The following AMZ1 variants were observed in gnomAD, a reference collection of about 807,000 sequenced individuals.
The protein encoded by AMZ1 is archaemetzincin-1.
AMZ1 carries 39 observed loss-of-function variants against 29.9 expected under a neutral mutation model. That is an observed-to-expected ratio of 1.30 (90% CI 1.01 to 1.70). The LOEUF (loss-of-function observed/expected upper bound fraction) is 1.70, where lower values mean the gene tolerates loss of function less well. Ranked by LOEUF, AMZ1 falls within the 40% of genes most tolerant of loss-of-function variation. The pLI, the probability that AMZ1 is intolerant of heterozygous loss-of-function variation, is 0.00. For missense variants in AMZ1, 1,041 were observed against 680.6 expected, an observed-to-expected ratio of 1.53 and a Z score of -5.89; for synonymous variants, 458 against 304.0, an observed-to-expected ratio of 1.51 and a Z score of -5.27.
At chr7:2,722,203 A>C (rs1789453009), downstream of AMZ1, among the ~76,000 whole-genome samples, 1 of 152,108 alleles carries the variant, frequency 6.6e-6, no homozygotes, top group South Asian at 2.1e-4. Flanking sequence ...TACCACACTG[A>C]ATTTCCTGGC....
At chr7:2,709,014 G>T (rs116695170) in intron 4 of AMZ1, 61 bp from the exon 5 acceptor site, 10 of 1,504,674 alleles carry the variant, frequency 6.6e-6, no homozygotes, top group African/African-American at 2.8e-5. Flanking sequence ...TGGGTTTGAC[G>T]GTGGGCCCCC....
rs550991815 is a variant in AMZ1, at chr7:2,727,226, C to T, written n.550+17410C>T. On this transcript the variant is annotated intron_variant and non_coding_transcript_variant, in intron 4 of 4. Coordinates refer to the AMZ1 transcript ENST00000489665. ...CTTTCCGAGTAGCTAGGATTACAGG[C>T]GCCCACCACCACACCCAGCTAATTT... Among the ~76,000 whole-genome samples, 10 of 152,168 alleles carry T rather than the reference C, an allele frequency of 6.6e-5. No individual in the cohort carries two copies. The South Asian group carries it at 1.2e-3, about 19-fold the overall frequency.
intron 4 of AMZ1, among the ~76,000 whole-genome samples, chr7:2,747,906 A>G (rs1318551757): frequency 2.0e-5 from 3 of 152,044 alleles, no homozygotes; most frequent in Non-Finnish European, 4.4e-5. Context: ...ACTCCCATTC[A>G]CAATTGCTTC....
chr7:2,696,012 G>A (rs1404057871), intron 1 of AMZ1, among the ~76,000 whole-genome samples: 43 of 140,002 alleles, frequency 3.1e-4, no homozygotes, highest in African/African-American at 9.6e-4. Flanking sequence ...GTCTTGGGGG[G>A]GAAAAAAAAA....
intron 1 of AMZ1, among the ~76,000 whole-genome samples, chr7:2,681,018 C>A (rs1223325961): frequency 6.6e-6 from 1 of 152,252 alleles, no homozygotes; most frequent in African/African-American, 2.4e-5. Flanking sequence ...AGAAACCTTC[C>A]AGGACGCTGA....
intron 4 of AMZ1, among the ~76,000 whole-genome samples, chr7:2,751,016 G>A (rs1038278013): frequency 2.0e-5 from 3 of 152,206 alleles, no homozygotes; most frequent in African/African-American, 7.2e-5. Flanking sequence ...TGAACTTCAA[G>A]ACAATGTTAA....
rs1789219458 is a variant in AMZ1, at chr7:2,717,847, C to G, written c.*4969C>G. ...GAGGCAAATGAAAACAGGCTGATGT[C>G]AGGGGTTTATTTTAAAAAGCAATTT... On this transcript the variant is annotated 3_prime_UTR_variant, in exon 7 of 7. Transcript: ENST00000683327. 6.6e-6 allele frequency among the ~76,000 whole-genome samples: 1 copy of G among 152,166 alleles called. No homozygotes were observed. Among genetic ancestry groups the G allele is most frequent in the Non-Finnish European group, 1.5e-5 (1 of 68,036 alleles).
intron 4 of AMZ1, among the ~76,000 whole-genome samples, chr7:2,735,301 CA>C (rs2115299569): frequency 6.6e-6 from 1 of 152,330 alleles, no homozygotes; most frequent in East Asian, 1.9e-4. Flanking sequence ...CAGCCCAAGC[CA>C]CCCTTGCCCG....
intron 4 of AMZ1, among the ~76,000 whole-genome samples, chr7:2,757,554 G>C (rs1270817024): frequency 6.6e-6 from 1 of 152,118 alleles, no homozygotes; most frequent in East Asian, 1.9e-4. Context: ...ATGGGAACGC[G>C]GCCAGGTGCA....
downstream of AMZ1, among the ~76,000 whole-genome samples, chr7:2,720,034 C>G (rs550644774): frequency 6.6e-6 from 1 of 152,314 alleles, no homozygotes; most frequent in East Asian, 1.9e-4. Context: ...TTCTGGAAGG[C>G]TAAATGAAAA....
At chr7:2,736,997 A>G (rs1224511276) in intron 4 of AMZ1, among the ~76,000 whole-genome samples, 1 of 152,248 alleles carries the variant, frequency 6.6e-6, no homozygotes, top group East Asian at 1.9e-4. Flanking sequence ...TCCTAATTGG[A>G]GCCTTTCTAC....
chr7:2,690,209 G>C (rs1331819892), intron 1 of AMZ1, among the ~76,000 whole-genome samples: 2 of 148,716 alleles, frequency 1.3e-5, no homozygotes, highest in African/African-American at 4.9e-5. Context: ...GTGTGTGTGT[G>C]AGAGAGAGAG....
chr7:2,748,762 C>G (rs1790886433), intron 4 of AMZ1, among the ~76,000 whole-genome samples: 1 of 152,154 alleles, frequency 6.6e-6, no homozygotes, highest in South Asian at 2.1e-4. Context: ...ACCTACTCAT[C>G]TGACAAAGGG....
chr7:2,723,850 C>T (rs1027383118), downstream of AMZ1, among the ~76,000 whole-genome samples: 5 of 152,208 alleles, frequency 3.3e-5, no homozygotes, highest in South Asian at 2.1e-4. Flanking sequence ...CAGAGGGCCA[C>T]GCTCTTGACC....
chr7:2,698,431 G>C (rs1216392114), intron 1 of AMZ1, among the ~76,000 whole-genome samples: 1 of 152,068 alleles, frequency 6.6e-6, no homozygotes, highest in African/African-American at 2.4e-5. Flanking sequence ...CCAGCCACTT[G>C]GGAGGCTGGG....
In AMZ1 at chr7:2,718,533, C is replaced by A. The variant is rs1224412994; in HGVS notation, c.*5655C>A. ...GACGCTGGTGGCAGCCGCGGGCGCC[C>A]ACTCACCTGGCACGTGGACGAAGGT... is the stretch of plus-strand genomic sequence containing the variant. On this transcript the variant is annotated 3_prime_UTR_variant, in exon 7 of 7. Coordinates refer to ENST00000683327, the MANE Select transcript of AMZ1 (RefSeq NM_001384743.1). 6.6e-6 allele frequency among the ~76,000 whole-genome samples: 1 copy of A among 152,206 alleles called. No homozygotes were observed. Among genetic ancestry groups the A allele is most frequent in the Non-Finnish European group, 1.5e-5 (1 of 68,042 alleles).
chr7:2,761,958 C>T (rs981598491), upstream of AMZ1, among the ~76,000 whole-genome samples: 11 of 152,220 alleles, frequency 7.2e-5, no homozygotes, highest in Admixed American at 1.3e-4. Context: ...TGTCCAGCCG[C>T]CCACCAGTCC....
chr7:2,696,541 G>C (rs1310861265), intron 1 of AMZ1, among the ~76,000 whole-genome samples: 1 of 151,342 alleles, frequency 6.6e-6, no homozygotes, highest in Non-Finnish European at 1.5e-5. Flanking sequence ...ACAGGCGTGA[G>C]CCACCGCACC....
At chr7:2,697,970 T>A (rs1336749649) in intron 1 of AMZ1, among the ~76,000 whole-genome samples, 1 of 152,244 alleles carries the variant, frequency 6.6e-6, no homozygotes, top group African/African-American at 2.4e-5. Flanking sequence ...TGTGCACACA[T>A]GTATATACAG....
Sources: allele counts gnomAD v4.1 joint callset (sites outside exome capture counted in the v4.1 genomes callset), GRCh38; gene constraint gnomAD v4.1.1; transcripts MANE v1.5; gene names NCBI Gene and HGNC (gene_info 2026-07-23, HGNC 2026-07-21).